BTBD8: variants seen among roughly 807,000 people sequenced by gnomAD.
BTBD8 encodes the protein BTB domain containing 8, also known as BTB/POZ domain-containing protein 8.
In BTBD8, 110 loss-of-function variants were observed where a neutral mutation model predicts 162.9. The observed-to-expected ratio is 0.68, with a 90% confidence interval of 0.58 to 0.79. BTBD8 has a LOEUF of 0.79. Among genes scored for constraint, BTBD8 ranks in the 30% least tolerant of loss-of-function variants. The pLI is 0.00. For missense variants in BTBD8, 1,905 were observed against 2,085.4 expected, an observed-to-expected ratio of 0.91 and a Z score of 1.68; for synonymous variants, 667 against 716.1, an observed-to-expected ratio of 0.93 and a Z score of 1.10.
In BTBD8 at chr1:92,184,409, G is replaced by A. The variant is rs1651024925; in HGVS notation, c.*79G>A. 1 of 873,446 alleles carries A rather than the reference G, an allele frequency of 1.1e-6. No homozygotes were observed. The highest frequency in any genetic ancestry group is 1.7e-5 in the African/African-American group (1 of 58,852). 54.1% of individuals were successfully genotyped at this position (873,446 alleles called of 1,614,324 possible). ...TTATATCCAAATGATAATTGCATTA[G>A]CCGGATATAAACTTTCTTTAATATT... On this transcript the variant is annotated 3_prime_UTR_variant, in exon 18 of 18. Coordinates refer to ENST00000636805, the MANE Select transcript of BTBD8 (RefSeq NM_001376131.1).
At chr1:92,139,483 G>A in intron 6 of BTBD8, 53 bp downstream of exon 6, 1 of 1,570,786 alleles carries the variant, frequency 6.4e-7, no homozygotes, top group Non-Finnish European at 8.6e-7. Context: ...GTTCTGCTTT[G>A]TTGAGCTGTG....
intron 1 of BTBD8, among the ~76,000 whole-genome samples, chr1:92,081,874 A>G (rs2101887671): frequency 6.6e-6 from 1 of 152,318 alleles, no homozygotes; most frequent in African/African-American, 2.4e-5. Flanking sequence ...GCGCCCAGCC[A>G]GGATTCTACA....
In BTBD8 at chr1:92,141,145, A is replaced by G; in HGVS notation, c.864A>G (p.Gly288=). 2 of 1,580,352 alleles carry G rather than the reference A, an allele frequency of 1.3e-6. No homozygotes were observed. Among genetic ancestry groups the G allele is most frequent in the South Asian group, 2.3e-5 (2 of 87,456 alleles). The change falls in exon 7 of 18, where the codon GGA becomes GGG. Residue 288 remains glycine, a synonymous_variant. Coordinates refer to ENST00000636805, the MANE Select transcript of BTBD8 (RefSeq NM_001376131.1). ...GQILNMADMY[G]LEGLKEVAIY... The stretch of plus-strand genomic sequence containing the variant: ...TACTCAATATGGCTGATATGTATGG[A>G]CTAGAAGGATTAAAAGAAGTAGCAA...
intron 13 of BTBD8, among the ~76,000 whole-genome samples, chr1:92,175,207 G>A (rs1027339070): frequency 3.3e-5 from 5 of 152,048 alleles, no homozygotes; most frequent in African/African-American, 7.2e-5. Context: ...TAGGACGGGC[G>A]CGGTGGCTCA....
chr1:92,177,168 G>A lies in BTBD8; in HGVS notation c.1975G>A (p.Val659Ile). 6.4e-7 allele frequency: 1 copy of A among 1,551,842 alleles called. No individual in the cohort carries two copies. Among genetic ancestry groups the A allele is most frequent in the Non-Finnish European group, 8.7e-7 (1 of 1,147,028 alleles). The change falls in exon 14 of 18, where the codon GTA becomes ATA. Residue 659 changes from valine to isoleucine, a missense_variant. Val to Ile is a conservative substitution (Grantham distance 29, BLOSUM62 3). Transcript: ENST00000636805. ...RLENMSPRQVVERSATAAAAA... is the reference protein window; with the variant it reads ...RLENMSPRQVIERSATAAAAA... Reference sequence around the variant, plus strand: ...GGAAAACATGTCACCTAGACAAGTTGTAGAAAGATCAGCAACAGCAGCAGC... The same window carrying A: ...GGAAAACATGTCACCTAGACAAGTTATAGAAAGATCAGCAACAGCAGCAGC...
chr1:92,099,624 T>C (rs1274150028), intron 2 of BTBD8, among the ~76,000 whole-genome samples: 1 of 152,224 alleles, frequency 6.6e-6, no homozygotes, highest in South Asian at 2.1e-4. Context: ...ATATTCCTGG[T>C]ATTTTATTTT....
intron 15 of BTBD8, 82 bp from the exon 16 acceptor site, chr1:92,178,230 A>T: frequency 9.3e-7 from 1 of 1,077,304 alleles, no homozygotes; most frequent in Non-Finnish European, 1.3e-6. Flanking sequence ...TTCTTGAAAA[A>T]AACTGTTTCA....
chr1:92,129,775 G>C lies in BTBD8; in HGVS notation c.751G>C (p.Gly251Arg), dbSNP rs907624191. ...ESSQEYVTLQ[G>R]ISHVELNVMM... ...CTCCCAAGAGTACGTTACTCTTCAA[G>C]GGTAAGCATATTTTTACAGGGCCAT... The change falls in exon 5 of 18, where the codon GGT becomes CGT. Residue 251 changes from glycine (G) to arginine (R), a missense_variant and splice_region_variant. By Grantham distance (125) the Gly-to-Arg change is moderately radical (BLOSUM62 -2). Around this residue, in one of 3 missense-constraint regions of BTBD8, gnomAD observed 1,374 missense variants for 1,442.7 expected, o/e 0.95. Coordinates refer to ENST00000636805, the MANE Select transcript of BTBD8 (RefSeq NM_001376131.1). 1 of 1,612,160 alleles carries C rather than the reference G, an allele frequency of 6.2e-7. No individual in the cohort carries two copies. The highest frequency in any genetic ancestry group is 1.3e-5 in the African/African-American group (1 of 74,858).
intron 2 of BTBD8, among the ~76,000 whole-genome samples, chr1:92,091,211 G>C (rs544217700): frequency 6.6e-6 from 1 of 152,132 alleles, no homozygotes; most frequent in Non-Finnish European, 1.5e-5. Context: ...TTGTTTACAA[G>C]TGTGTAGCAC....
chr1:92,167,954 CA>C lies in BTBD8; in HGVS notation c.1413del (p.Leu472CysfsTer2). 6.5e-7 allele frequency: 1 copy of C among 1,548,386 alleles called. No individual in the cohort carries two copies. Among genetic ancestry groups the C allele is most frequent in the South Asian group, 1.2e-5 (1 of 83,494 alleles). ...NSCSLLMALD[T>X]LLNSDSTKEM... ...TGCTCTCTTCTTATGGCTCTGGACA[CA>C]CTGCTGAACTCTGACAGTACAAAGG... On this transcript the variant is annotated frameshift_variant, in exon 11 of 18. Coordinates refer to ENST00000636805, the MANE Select transcript of BTBD8 (RefSeq NM_001376131.1). LOFTEE classifies it high-confidence loss of function.
intron 7 of BTBD8, among the ~76,000 whole-genome samples, chr1:92,141,837 A>T (rs888023351): frequency 2.0e-5 from 3 of 152,292 alleles, no homozygotes; most frequent in Non-Finnish European, 4.4e-5. Context: ...TGTTTTTAAA[A>T]TTTTCTACAA....
intron 9 of BTBD8, among the ~76,000 whole-genome samples, chr1:92,164,640 T>C (rs1228581311): frequency 2.0e-5 from 3 of 149,202 alleles, no homozygotes; most frequent in Admixed American, 1.3e-4. Context: ...ATCGCACCAC[T>C]GCACTCCTGC....
chr1:92,160,650 A>G lies in BTBD8; in HGVS notation c.1123-6308A>G, dbSNP rs1650255126. ...GGTTAGCCCCCAGAAAAGTTAGGTC[A>G]TTGGATACTCCTCTACACTCCTTCC... On this transcript the variant is annotated intron_variant, in intron 9 of 17. Coordinates refer to ENST00000636805, the MANE Select transcript of BTBD8 (RefSeq NM_001376131.1). Among the ~76,000 whole-genome samples, 2 of 152,064 alleles carry G rather than the reference A, an allele frequency of 1.3e-5. 1 individual carries two copies. The highest frequency in any genetic ancestry group is 4.2e-4 in the South Asian group (2 of 4,818).
Position 92,108,016 on chromosome 1 carries a change from C to A in BTBD8, c.662+15C>A. 1 of 1,592,880 alleles carries A rather than the reference C, an allele frequency of 6.3e-7. No homozygotes were observed. Among genetic ancestry groups the A allele is most frequent in the Non-Finnish European group, 8.6e-7 (1 of 1,161,184 alleles). On this transcript the variant is annotated intron_variant, in intron 4 of 17. Coordinates refer to ENST00000636805, the MANE Select transcript of BTBD8 (RefSeq NM_001376131.1). ...AAAGCTCACAGGTAAATAGACACGA[C>A]TGATTTGCTGTCTTGGTTGTGGCTG...
intron 9 of BTBD8, among the ~76,000 whole-genome samples, chr1:92,158,502 CCACA>C (rs1195518923): frequency 6.6e-6 from 1 of 152,104 alleles, no homozygotes; most frequent in Non-Finnish European, 1.5e-5. Context: ...ACTTCTCCCC[CCACA>C]CATACACTCT....
rs1443528577 is a variant in BTBD8, at chr1:92,177,525, A to T, written c.2332A>T (p.Ser778Cys). The change falls in exon 14 of 18, where the codon AGT (serine) becomes TGT (cysteine). Residue 778 changes from serine (S) to cysteine (C), a missense_variant. Physicochemically the swap from Ser to Cys is moderately radical, Grantham distance 112. Around this residue, in one of 3 missense-constraint regions of BTBD8, gnomAD observed 1,374 missense variants for 1,442.7 expected, o/e 0.95. Transcript: ENST00000636805. ...PGQMMKNSVDSVKNSTVAIKS... is the reference protein window; with the variant it reads ...PGQMMKNSVDCVKNSTVAIKS... ...ACAGATGATGAAAAACAGTGTAGAT[A>T]GTGTCAAAAATTCCACTGTAGGTGG... 6.5e-7 allele frequency: 1 copy of T among 1,538,418 alleles called. No individual in the cohort carries two copies. The highest frequency in any genetic ancestry group is 2.4e-5 in the East Asian group (1 of 40,828).
rs1651027979 is a variant in BTBD8, at chr1:92,184,509, G to T, written c.*179G>T. The T allele has an allele frequency of 2.3e-6, 1 of 429,552 alleles. No homozygotes were observed. The highest frequency in any genetic ancestry group is 6.4e-5 in the South Asian group (1 of 15,584). 26.6% of individuals were successfully genotyped at this position (429,552 alleles called of 1,614,324 possible). On this transcript the variant is annotated 3_prime_UTR_variant, in exon 18 of 18. Coordinates refer to ENST00000636805, the MANE Select transcript of BTBD8 (RefSeq NM_001376131.1). ...ACATATAGAAAAATGTTTTTCTAAA[G>T]TTTTTGAGCATGTTTTCTCTAATTA... is the stretch of plus-strand genomic sequence containing the variant.
chr1:92,157,293 T>A (rs1419344629), intron 9 of BTBD8, among the ~76,000 whole-genome samples: 2 of 152,212 alleles, frequency 1.3e-5, no homozygotes, highest in East Asian at 3.8e-4. Flanking sequence ...ATGATTTCAG[T>A]TGTCTTAATT....
chr1:92,139,535 C>T, intron 6 of BTBD8, 105 bp downstream of exon 6: 1 of 1,431,858 alleles, frequency 7.0e-7, no homozygotes, highest in Non-Finnish European at 9.1e-7. Context: ...TTTTTATAGT[C>T]TATTATACTA....
Sources: gnomAD v4.1 joint callset for allele counts (sites outside exome capture counted in the v4.1 genomes callset) on GRCh38, gnomAD v4.1.1 for gene constraint, gnomAD v4.1.1 regional missense constraint, MANE v1.5 for transcripts, NCBI Gene and HGNC (gene_info 2026-07-23, HGNC 2026-07-21) for gene names.